Variants in SIPA1L1 observed in about 807,000 individuals in gnomAD.
The protein encoded by SIPA1L1 is signal-induced proliferation-associated 1-like protein 1.
A neutral mutation model predicts 162.7 loss-of-function variants in SIPA1L1; 26 were observed. That is an observed-to-expected ratio of 0.16 (90% CI 0.12 to 0.22). The LOEUF is 0.22. Among genes scored for constraint, SIPA1L1 ranks in the 10% least tolerant of loss-of-function variants. The pLI is 1.00. For synonymous variants in SIPA1L1, 829 were observed against 837.4 expected (o/e 0.99, Z 0.17); for missense variants, 1,874 against 2,241.0 (o/e 0.84, Z 3.31).
chr14:71,595,243 T>G (rs1280979180), intron 5 of SIPA1L1, among the ~76,000 whole-genome samples: 1 of 152,158 alleles, frequency 6.6e-6, no homozygotes, highest in Non-Finnish European at 1.5e-5. Context: ...AAAAACAGAG[T>G]TTGTTTTGCA....
chr14:71,427,835 CTTTG>C lies in SIPA1L1; in HGVS notation c.-464-84904_-464-84901del, dbSNP rs1209735160. On this transcript the variant is annotated intron_variant, in intron 2 of 23. Transcript: ENST00000381232. ...AGTTTCTCTACATCTTCCTTTAGTTCTTTGTTTATCTTTAACATGGTTGTTTTTG... is the reference window on the plus strand; with the variant it reads ...AGTTTCTCTACATCTTCCTTTAGTTCTTTATCTTTAACATGGTTGTTTTTG... Among the ~76,000 whole-genome samples the C allele has an allele frequency of 2.6e-5, 4 of 151,568 alleles. No individual in the cohort carries two copies. In the South Asian group the frequency reaches 8.3e-4, roughly 32 times the overall value.
At chr14:71,326,176 AG>A (rs1253465516) in intron 2 of SIPA1L1, among the ~76,000 whole-genome samples, 3 of 150,836 alleles carry the variant, frequency 2.0e-5, no homozygotes, top group Non-Finnish European at 4.4e-5. Flanking sequence ...GAACAGGTAT[AG>A]TCATTGATGG....
intron 2 of SIPA1L1, among the ~76,000 whole-genome samples, chr14:71,384,737 C>CA (rs2040181702): frequency 2.0e-5 from 3 of 152,168 alleles, no homozygotes. Flanking sequence ...AAATTAAACT[C>CA]ATTCTTTGGA....
chr14:71,407,111 C>T (rs181124254), intron 2 of SIPA1L1, among the ~76,000 whole-genome samples: 31 of 152,180 alleles, frequency 2.0e-4, no homozygotes, highest in African/African-American at 7.0e-4. Context: ...GGTGTGGTGG[C>T]GCATGCCTGT....
intron 2 of SIPA1L1, among the ~76,000 whole-genome samples, chr14:71,510,262 C>T (rs755998562): frequency 4.2e-5 from 6 of 143,136 alleles, no homozygotes; most frequent in Admixed American, 1.4e-4. Flanking sequence ...TCTTGGCTCA[C>T]GGCAACCTCT....
chr14:71,707,364 C>T (rs1353683648), intron 16 of SIPA1L1, among the ~76,000 whole-genome samples: 1 of 152,068 alleles, frequency 6.6e-6, no homozygotes, highest in Non-Finnish European at 1.5e-5. Flanking sequence ...ATAGTATTTA[C>T]CCATTTAAAA....
intron 2 of SIPA1L1, among the ~76,000 whole-genome samples, chr14:71,350,481 T>C (rs535709110): frequency 2.6e-5 from 4 of 152,320 alleles, no homozygotes; most frequent in Admixed American, 2.6e-4. Flanking sequence ...TTGCCACCGA[T>C]TGGCAAAACC....
chr14:71,588,117 A>G lies in SIPA1L1; in HGVS notation c.245A>G (p.Asp82Gly). ...ATGGGGGTAAGGGCAAGGATTGCAG[A>G]TTGGCCCCCAAGAAAGGAAAACATA... ...PKMGVRARIA[D>G]WPPRKENIKE... Residue 82 changes from aspartate (D) to glycine (G), a missense_variant, in exon 5 of 24, where the codon GAT becomes GGT. Physicochemically the swap from Asp to Gly is moderately conservative, Grantham distance 94. Transcript: ENST00000381232. This position sits in a 1 kb window ranked among gnomAD's most constrained non-coding sequence, Gnocchi z 4.3. 6.2e-7 allele frequency: 1 copy of G among 1,614,176 alleles called. No homozygotes were observed.
chr14:71,388,390 C>A (rs1325284543), intron 2 of SIPA1L1, among the ~76,000 whole-genome samples: 3 of 152,116 alleles, frequency 2.0e-5, no homozygotes, highest in African/African-American at 4.8e-5. Flanking sequence ...TCTGCAAAAC[C>A]ACATGAATAT....
chr14:71,639,296 A>G (rs1488897506), intron 7 of SIPA1L1, among the ~76,000 whole-genome samples: 2 of 152,154 alleles, frequency 1.3e-5, no homozygotes, highest in East Asian at 1.9e-4. Flanking sequence ...TGTAGCTCCA[A>G]CTACTCAGGA....
At chr14:71,542,531 T>TTCC in intron 4 of SIPA1L1, among the ~76,000 whole-genome samples, 1 of 139,048 alleles carries the variant, frequency 7.2e-6, no homozygotes, top group South Asian at 2.4e-4. Context: ...CCTCCTCCTC[T>TTCC]TCCTCCTCCT....
At chr14:71,658,063 G>A (rs1037050510) in intron 8 of SIPA1L1, among the ~76,000 whole-genome samples, 30 of 151,310 alleles carry the variant, frequency 2.0e-4, no homozygotes, top group African/African-American at 7.0e-4. Context: ...TTGATACTGT[G>A]CGCTTCGATA....
At chr14:71,364,388 ATT>A (rs1202001745) in intron 2 of SIPA1L1, among the ~76,000 whole-genome samples, 1 of 151,856 alleles carries the variant, frequency 6.6e-6, no homozygotes, top group Admixed American at 6.6e-5. Context: ...CCTCTGACCT[ATT>A]TTCTCTTCCC....
rs138540083 is a variant in SIPA1L1 at position 71,510,480 on chromosome 14, G to A, written c.-464-2263G>A. On this transcript the variant is annotated intron_variant, in intron 2 of 23. Coordinates refer to ENST00000381232, the MANE Select transcript of SIPA1L1 (RefSeq NM_001386936.1). ...TGGGATTACAGGTGCGAGCCACCAC[G>A]CCTGGCCTAATCCCCTTTCTTTATG... Among the ~76,000 whole-genome samples, 21 of 152,142 alleles carry A rather than the reference G, an allele frequency of 1.4e-4. No homozygotes were observed. The East Asian group carries it at 2.9e-3, about 21-fold the overall frequency.
chr14:71,535,373 G>A (rs1449185581), intron 4 of SIPA1L1, among the ~76,000 whole-genome samples: 2 of 152,140 alleles, frequency 1.3e-5, no homozygotes, highest in African/African-American at 4.8e-5. Context: ...TTTAGGAAGT[G>A]TTTTTCTTAT....
rs571594555 is a variant in SIPA1L1, at chr14:71,514,832, G to C, written c.-362+1987G>C. ...CATATAAAACTAACCATCACACCTA[G>C]TGTGCTCTCAACCAGTGTAAAAGAC... On this transcript the variant is annotated intron_variant, in intron 3 of 23. Coordinates refer to ENST00000381232, the MANE Select transcript of SIPA1L1 (RefSeq NM_001386936.1). 3.9e-5 allele frequency among the ~76,000 whole-genome samples: 6 copies of C among 152,314 alleles called. No individual in the cohort carries two copies. The South Asian group carries it at 1.2e-3, about 32-fold the overall frequency.
At chr14:71,515,973 G>T (rs888377467) in intron 3 of SIPA1L1, among the ~76,000 whole-genome samples, 1 of 152,188 alleles carries the variant, frequency 6.6e-6, no homozygotes, top group Non-Finnish European at 1.5e-5. Context: ...AAGAAAAGTA[G>T]ATAGTTATCT....
In SIPA1L1 at chr14:71,672,472, A is replaced by G. The variant is rs1228178722; in HGVS notation, c.2954A>G (p.Gln985Arg). The G allele has an allele frequency of 6.2e-7, 1 of 1,614,120 alleles. No homozygotes were observed. The highest frequency in any genetic ancestry group is 8.5e-7 in the Non-Finnish European group (1 of 1,180,052). ...GTGGAGCCCTACGGTTATGCCTGGC[A>G]GGCAGGGCTGAGGCAGGGCAGTCGC... ...ADVEPYGYAW[Q>R]AGLRQGSRLV... The change falls in exon 12 of 24, where the codon CAG (glutamine) becomes CGG (arginine). Residue 985 changes from glutamine to arginine, a missense_variant. This residue lies in a region of SIPA1L1 where 936 missense variants were observed against 1,051.9 expected (regional missense o/e 0.89). Coordinates refer to ENST00000381232, the MANE Select transcript of SIPA1L1 (RefSeq NM_001386936.1).
chr14:71,451,446 C>T (rs146498552), intron 2 of SIPA1L1, among the ~76,000 whole-genome samples: 2,976 of 151,798 alleles, frequency 0.02, 97 homozygotes, highest in African/African-American at 0.068. Flanking sequence ...CCAGCCTGGG[C>T]CATATAGTGA....
Sources: allele counts gnomAD v4.1 joint callset (sites outside exome capture counted in the v4.1 genomes callset), GRCh38; gene constraint gnomAD v4.1.1; regional missense constraint gnomAD v4.1.1; non-coding constraint Gnocchi (gnomAD v3.1); transcripts MANE v1.5; gene names NCBI Gene and HGNC (gene_info 2026-07-23, HGNC 2026-07-21).